SLAMF1: variants seen among roughly 807,000 people sequenced by gnomAD.
The protein encoded by SLAMF1 is signaling lymphocytic activation molecule.
In SLAMF1, 18 loss-of-function variants were observed where a neutral mutation model predicts 35.1. That is an observed-to-expected ratio of 0.51 (90% CI 0.35 to 0.76). The LOEUF (loss-of-function observed/expected upper bound fraction) is 0.76. Ranked by LOEUF, SLAMF1 falls within the 30% of genes least tolerant of loss-of-function variation. The probability of loss-of-function intolerance (pLI) is 0.01; values close to 1 mark genes in which losing one functional copy is unlikely to be tolerated. For synonymous variants in SLAMF1, 168 were observed against 157.2 expected, an observed-to-expected ratio of 1.07 and a Z score of -0.51; for missense variants, 392 against 413.0, an observed-to-expected ratio of 0.95 and a Z score of 0.44.
chr1:160,640,909 T>C (rs77718474), intron 1 of SLAMF1, among the ~76,000 whole-genome samples: 2 of 152,292 alleles, frequency 1.3e-5, no homozygotes, highest in African/African-American at 2.4e-5. Flanking sequence ...GTGGTGGTGG[T>C]GGTTGTTTTT....
chr1:160,614,030 C>T (rs1384223051), intron 5 of SLAMF1, among the ~76,000 whole-genome samples: 1 of 152,146 alleles, frequency 6.6e-6, no homozygotes, highest in African/African-American at 2.4e-5. Context: ...TGGAGCAGGG[C>T]CTGATTCTGC....
intron 2 of SLAMF1, among the ~76,000 whole-genome samples, chr1:160,636,400 C>A (rs1168786473): frequency 1.3e-5 from 2 of 152,090 alleles, no homozygotes; most frequent in Non-Finnish European, 2.9e-5. Context: ...TGTCCCATCC[C>A]CAGAGATAAG....
At chr1:160,615,372 G>A (rs1659239892) in intron 5 of SLAMF1, among the ~76,000 whole-genome samples, 1 of 151,966 alleles carries the variant, frequency 6.6e-6, no homozygotes, top group Admixed American at 6.6e-5. Flanking sequence ...CTTAGACTTT[G>A]GTAAGTCAAA....
intron 5 of SLAMF1, among the ~76,000 whole-genome samples, chr1:160,616,063 T>A (rs1004234336): frequency 6.6e-6 from 1 of 152,204 alleles, no homozygotes; most frequent in African/African-American, 2.4e-5. Flanking sequence ...GAAACTAACA[T>A]ATACCCCAAC....
In SLAMF1 at chr1:160,637,462, T is replaced by A. The variant is rs1382121144; in HGVS notation, c.144A>T (p.Thr48=). The A allele has an allele frequency of 1.2e-6, 2 of 1,613,956 alleles. No individual in the cohort carries two copies. Among genetic ancestry groups the A allele is most frequent in the Non-Finnish European group, 1.7e-6 (2 of 1,180,008 alleles). The stretch of plus-strand genomic sequence containing the variant: ...TCATGCTCTTATTTATCCTTTCATA[T>A]GTCAGGGGCAGCAGCACTTTGCTTC... The part of the protein sequence containing the change: ...QLGSKVLLPL[T]YERINKSMNK... Residue 48 remains threonine (T), a synonymous_variant, in exon 2 of 7, where the codon ACA becomes ACT. Coordinates refer to ENST00000302035, the MANE Select transcript of SLAMF1 (RefSeq NM_003037.5).
At position 160,614,371 on chromosome 1, in the gene SLAMF1, C is replaced by T. The variant is rs536481674; in HGVS notation, c.865-1791G>A. Among the ~76,000 whole-genome samples, 118 of 149,446 alleles carry T rather than the reference C, an allele frequency of 7.9e-4. 1 individual carries two copies. The highest frequency in any genetic ancestry group is 1.5e-3 in the Non-Finnish European group (97 of 66,476). ...TGGGTGGATCACGAGGTCAGGAGAT[C>T]GAGACCATCCTGGCCAACATAGTGA... is the stretch of plus-strand genomic sequence containing the variant. On this transcript the variant is annotated intron_variant, in intron 5 of 6. Coordinates refer to ENST00000302035, the MANE Select transcript of SLAMF1 (RefSeq NM_003037.5).
chr1:160,611,521 G>A (rs1475961551), intron 6 of SLAMF1, among the ~76,000 whole-genome samples: 3 of 152,218 alleles, frequency 2.0e-5, no homozygotes, highest in Admixed American at 6.5e-5. Flanking sequence ...TGCGGTAGGA[G>A]CTTTGAAAAA....
In SLAMF1 at chr1:160,610,275, G is replaced by C. The variant is rs9282851; in HGVS notation, c.*473C>G. 3.9e-4 allele frequency: 176 copies of C among 456,814 alleles called. 2 individuals carry two copies. Among genetic ancestry groups the C allele is most frequent in the East Asian group, 3.8e-3 (55 of 14,410 alleles). 28.3% of individuals were successfully genotyped at this position (456,814 alleles called of 1,614,324 possible). On this transcript the variant is annotated 3_prime_UTR_variant, in exon 7 of 7. Transcript: ENST00000302035. ...GAGAGAAACTGAGGCACAGAGGCTT[G>C]ATCAGGTCTGCAGGTTATCATGATC...
At chr1:160,632,361 C>G (rs188724221) in intron 3 of SLAMF1, among the ~76,000 whole-genome samples, 1 of 152,228 alleles carries the variant, frequency 6.6e-6, no homozygotes, top group African/African-American at 2.4e-5. Flanking sequence ...GAGCCGAGAT[C>G]CTGACAGGGC....
In SLAMF1 at chr1:160,613,443, C is replaced by T. The variant is rs12402523; in HGVS notation, c.865-863G>A. Among the ~76,000 whole-genome samples, 751 of 152,226 alleles carry T rather than the reference C, an allele frequency of 4.9e-3. 20 individuals carry two copies. The highest frequency in any genetic ancestry group is 0.037 in the Admixed American group (573 of 15,292). On this transcript the variant is annotated intron_variant, in intron 5 of 6. Transcript: ENST00000302035. ...TGATATTTGTTGATGTTACTTTGAACGAATTAAAATCCACAATTCCTGGAC... is the reference window on the plus strand; with the variant it reads ...TGATATTTGTTGATGTTACTTTGAATGAATTAAAATCCACAATTCCTGGAC...
intron 3 of SLAMF1, among the ~76,000 whole-genome samples, chr1:160,631,771 A>G (rs549869819): frequency 6.6e-6 from 1 of 152,326 alleles, no homozygotes; most frequent in Admixed American, 6.5e-5. Flanking sequence ...AGGCCTCAGA[A>G]GACACCAAAC....
At chr1:160,630,533 C>A (rs1259906178) in intron 3 of SLAMF1, among the ~76,000 whole-genome samples, 1 of 152,094 alleles carries the variant, frequency 6.6e-6, no homozygotes, top group Non-Finnish European at 1.5e-5. Flanking sequence ...GGCAAAGCAA[C>A]CTCTAATAAA....
At chr1:160,617,047 T>C (rs1395867542) in intron 5 of SLAMF1, among the ~76,000 whole-genome samples, 1 of 151,860 alleles carries the variant, frequency 6.6e-6, no homozygotes, top group Non-Finnish European at 1.5e-5. Flanking sequence ...TCCCAGCTGC[T>C]TGGGAGGCCG....
intron 3 of SLAMF1, among the ~76,000 whole-genome samples, 192 bp from the exon 4 acceptor site, chr1:160,624,377 T>G (rs1055707513): frequency 6.6e-6 from 1 of 152,220 alleles, no homozygotes; most frequent in Non-Finnish European, 1.5e-5. Flanking sequence ...TTATTCTAAT[T>G]TCTCTCACTA....
chr1:160,633,506 G>A (rs1015166215), intron 3 of SLAMF1, among the ~76,000 whole-genome samples: 1 of 152,158 alleles, frequency 6.6e-6, no homozygotes, highest in African/African-American at 2.4e-5. Flanking sequence ...GACCACCTGG[G>A]AAAGCCCTCC....
intron 3 of SLAMF1, among the ~76,000 whole-genome samples, chr1:160,624,681 A>T (rs1659789165): frequency 6.6e-6 from 1 of 152,232 alleles, no homozygotes; most frequent in Admixed American, 6.5e-5. Flanking sequence ...TTGTCCTTTC[A>T]TGCAAATAAC....
rs769693632 is a variant in SLAMF1, at chr1:160,634,721, G to C, written c.592C>G (p.Leu198Val). 1.9e-6 allele frequency: 3 copies of C among 1,614,186 alleles called. No individual in the cohort carries two copies. Among genetic ancestry groups the C allele is most frequent in the Non-Finnish European group, 1.7e-6 (2 of 1,180,022 alleles). ...ATATTGTCAGCATGCTGGGGGCCGA[G>C]GGTGAGGGACAGGAGGTGGGAGCTG... ...ANSSHLLSLT[L>V]GPQHADNIYI... The change falls in exon 3 of 7, where the codon CTC becomes GTC. Residue 198 changes from leucine (L) to valine (V), a missense_variant. Transcript: ENST00000302035.
chr1:160,627,364 T>G (rs1415886131), intron 3 of SLAMF1, among the ~76,000 whole-genome samples: 2 of 152,198 alleles, frequency 1.3e-5, no homozygotes, highest in African/African-American at 2.4e-5. Flanking sequence ...CTTACACTAC[T>G]TTAACAGCTC....
intron 3 of SLAMF1, among the ~76,000 whole-genome samples, chr1:160,624,736 C>A (rs1195717132): frequency 6.6e-6 from 1 of 152,184 alleles, no homozygotes; most frequent in Non-Finnish European, 1.5e-5. Flanking sequence ...AGTATTTAGT[C>A]TTTCCTCTAA....
Sources: gnomAD v4.1 joint callset for allele counts (sites outside exome capture counted in the v4.1 genomes callset) on GRCh38, gnomAD v4.1.1 for gene constraint, MANE v1.5 for transcripts, NCBI Gene and HGNC (gene_info 2026-07-23, HGNC 2026-07-21) for gene names.